MACROD2: variants seen among roughly 807,000 people sequenced by gnomAD.
MACROD2 encodes ADP-ribose glycohydrolase MACROD2.
Under a neutral mutation model 70.4 loss-of-function variants are expected in MACROD2, and 36 were observed. That is an observed-to-expected ratio of 0.51 (90% CI 0.39 to 0.68). The LOEUF is 0.68. Among genes scored for constraint, MACROD2 ranks in the 30% least tolerant of loss-of-function variants. The pLI, the probability that MACROD2 is intolerant of heterozygous loss-of-function variation, is 0.00. For missense variants in MACROD2, 496 were observed against 538.4 expected (o/e 0.92, Z 0.78); for synonymous variants, 172 against 178.8 (o/e 0.96, Z 0.30).
intron 3 of MACROD2, among the ~76,000 whole-genome samples, chr20:14,424,317 C>G (rs1239465072): frequency 2.0e-5 from 3 of 151,942 alleles, no homozygotes; most frequent in African/African-American, 7.3e-5. Context: ...TTTTCAGGTT[C>G]TAAAATGTGA....
chr20:14,388,578 A>G (rs2083492448), intron 3 of MACROD2, among the ~76,000 whole-genome samples: 1 of 152,250 alleles, frequency 6.6e-6, no homozygotes, highest in Admixed American at 6.5e-5. Flanking sequence ...CATGAGGAAG[A>G]GAAAATACAT....
At chr20:15,320,927 G>A (rs1382423659) in intron 6 of MACROD2, among the ~76,000 whole-genome samples, 1 of 152,184 alleles carries the variant, frequency 6.6e-6, no homozygotes, top group East Asian at 1.9e-4. Flanking sequence ...TGTAGACTGT[G>A]TTTCAGGAAG....
At chr20:15,862,245 G>A (rs2064434014) in intron 8 of MACROD2, among the ~76,000 whole-genome samples, 1 of 152,148 alleles carries the variant, frequency 6.6e-6, no homozygotes, top group South Asian at 2.1e-4. Context: ...AAAGCAAGTG[G>A]CTTCATGCCA....
chr20:14,520,020 A>ACC (rs1259635881), intron 4 of MACROD2, among the ~76,000 whole-genome samples: 3 of 152,164 alleles, frequency 2.0e-5, no homozygotes, highest in Non-Finnish European at 4.4e-5. Context: ...CAATGAGAAA[A>ACC]CATGGACACA....
intron 3 of MACROD2, among the ~76,000 whole-genome samples, chr20:14,412,736 A>G (rs909875158): frequency 6.6e-6 from 1 of 152,152 alleles, no homozygotes; most frequent in Admixed American, 6.5e-5. Context: ...AGTTCTTAGC[A>G]TGGGGTCTGA....
chr20:15,314,872 C>T (rs1439235577), intron 6 of MACROD2, among the ~76,000 whole-genome samples: 1 of 152,078 alleles, frequency 6.6e-6, no homozygotes, highest in South Asian at 2.1e-4. Flanking sequence ...ACATGCACAC[C>T]CAGTGCAGGA....
chr20:14,367,705 C>T (rs1261507062), intron 3 of MACROD2, among the ~76,000 whole-genome samples: 1 of 152,070 alleles, frequency 6.6e-6, no homozygotes, highest in African/African-American at 2.4e-5. Context: ...CCTTCTTTAC[C>T]CTTGGTTTCC....
At chr20:14,632,098 CTATA>C (rs964762851) in intron 4 of MACROD2, 3 of 151,276 alleles carry the variant, frequency 2.0e-5, no homozygotes, top group African/African-American at 7.3e-5. Flanking sequence ...AGTAATCTGG[CTATA>C]AGGAATATTG....
intron 5 of MACROD2, among the ~76,000 whole-genome samples, chr20:14,836,911 A>G (rs1242977975): frequency 6.6e-6 from 1 of 152,102 alleles, no homozygotes; most frequent in East Asian, 1.9e-4. Flanking sequence ...TGATCCAAGA[A>G]CTATTTGGTG....
chr20:14,531,586 A>G (rs930712391), intron 4 of MACROD2, among the ~76,000 whole-genome samples: 2 of 152,186 alleles, frequency 1.3e-5, no homozygotes, highest in Non-Finnish European at 2.9e-5. Context: ...TTGTGTGGTA[A>G]TTTGTTACAG....
At chr20:15,343,236 T>C (rs1019950483) in intron 6 of MACROD2, among the ~76,000 whole-genome samples, 1 of 152,196 alleles carries the variant, frequency 6.6e-6, no homozygotes, top group Non-Finnish European at 1.5e-5. Flanking sequence ...TGTTACAACA[T>C]TATTTTGACA....
At chr20:15,060,476 AT>A (rs2075523571) in intron 5 of MACROD2, among the ~76,000 whole-genome samples, 1 of 152,130 alleles carries the variant, frequency 6.6e-6, no homozygotes, top group Non-Finnish European at 1.5e-5. Flanking sequence ...GCCTCGGGGC[AT>A]TTCCCTCTCT....
intron 6 of MACROD2, among the ~76,000 whole-genome samples, chr20:15,409,998 T>C (rs2046054952): frequency 2.0e-5 from 3 of 152,356 alleles, no homozygotes; most frequent in South Asian, 4.1e-4. Context: ...TGGGCCTACC[T>C]GTTTTCTGTC....
Position 14,326,131 on chromosome 20 carries a change from CCT to C in MACROD2, c.272-167347_272-167346del. On this transcript the variant is annotated intron_variant, in intron 3 of 17. Coordinates refer to ENST00000684519, the MANE Select transcript of MACROD2 (RefSeq NM_001351661.2). The surrounding 1 kb of genome is among the most constrained non-coding windows in gnomAD (Gnocchi z 5.5). ...TGTGACCAAGTACTCACTGCGTTCC[CCT>C]GTTACAATTGTTTCTGTTATAGATC... The C allele has an allele frequency of 1.2e-6, 2 of 1,613,814 alleles. No individual in the cohort carries two copies. Among genetic ancestry groups the C allele is most frequent in the South Asian group, 1.1e-5 (1 of 91,072 alleles).
intron 7 of MACROD2, among the ~76,000 whole-genome samples, chr20:15,438,077 C>T (rs532364201): frequency 2.2e-4 from 33 of 152,038 alleles, no homozygotes; most frequent in Non-Finnish European, 4.6e-4. Flanking sequence ...ATTGCTGGAA[C>T]CCGGGAGGTG....
intron 5 of MACROD2, among the ~76,000 whole-genome samples, chr20:15,116,584 G>T (rs1601095392): frequency 6.6e-6 from 1 of 152,194 alleles, no homozygotes; most frequent in Non-Finnish European, 1.5e-5. Context: ...GGCGGAGGTT[G>T]CAGTGAGCCA....
At chr20:15,554,139 T>A (rs1346725151) in intron 8 of MACROD2, among the ~76,000 whole-genome samples, 1 of 152,174 alleles carries the variant, frequency 6.6e-6, no homozygotes, top group Non-Finnish European at 1.5e-5. Context: ...GGAGTTAGAA[T>A]AGATGAGGCT....
At chr20:14,822,704 C>G (rs1308449350) in intron 5 of MACROD2, among the ~76,000 whole-genome samples, 1 of 151,966 alleles carries the variant, frequency 6.6e-6, no homozygotes, top group Admixed American at 6.6e-5. Flanking sequence ...TCTTTTCAGT[C>G]ATTGAAAAAA....
intron 5 of MACROD2, among the ~76,000 whole-genome samples, chr20:14,962,080 C>T (rs930198450): frequency 1.3e-5 from 2 of 152,144 alleles, no homozygotes; most frequent in South Asian, 2.1e-4. Context: ...CAGTTTCAAG[C>T]AATCCTCCCA....
Sources: gnomAD v4.1 joint callset for allele counts (sites outside exome capture counted in the v4.1 genomes callset) on GRCh38, gnomAD v4.1.1 for gene constraint, Gnocchi (gnomAD v3.1) non-coding constraint, MANE v1.5 for transcripts, NCBI Gene and HGNC (gene_info 2026-07-23, HGNC 2026-07-21) for gene names.